Variants in PTPRT observed in about 807,000 individuals in gnomAD.
PTPRT encodes protein tyrosine phosphatase receptor type T.
PTPRT carries 56 observed loss-of-function variants against 176.8 expected under a neutral mutation model. That is an observed-to-expected ratio of 0.32 (90% CI 0.26 to 0.40). The LOEUF is 0.40. Among genes scored for constraint, PTPRT ranks in the 10% least tolerant of loss-of-function variants. The probability of loss-of-function intolerance (pLI) is 1.00; values close to 1 mark genes in which losing one functional copy is unlikely to be tolerated. For synonymous variants in PTPRT, 783 were observed against 739.0 expected (o/e 1.06, Z -0.96); for missense variants, 1,540 against 1,908.2 (o/e 0.81, Z 3.60).
At chr20:42,951,846 C>G in intron 1 of PTPRT, among the ~76,000 whole-genome samples, 1 of 152,148 alleles carries the variant, frequency 6.6e-6, no homozygotes, top group South Asian at 2.1e-4. Flanking sequence ...CCTCAATTTC[C>G]TCAGCTGTAG....
At chr20:43,040,544 T>C (rs1181091005) in intron 1 of PTPRT, among the ~76,000 whole-genome samples, 1 of 152,216 alleles carries the variant, frequency 6.6e-6, no homozygotes, top group Non-Finnish European at 1.5e-5. Flanking sequence ...TACCTGCACA[T>C]ACCCGCACCC....
At position 42,490,981 on chromosome 20, in the gene PTPRT, T is replaced by C. The variant is rs182159947; in HGVS notation, c.1154-18419A>G. ...CAAGTTTGGGGTAATTATAAGTAAA[T>C]CTGCTATGGACATTCATGTATCAAA... On this transcript the variant is annotated intron_variant, in intron 7 of 30. Transcript: ENST00000373187. Among the ~76,000 whole-genome samples, 224 of 152,302 alleles carry C rather than the reference T, an allele frequency of 1.5e-3. 4 individuals are homozygous for C. The highest frequency in any genetic ancestry group is 0.012 in the Admixed American group (186 of 15,294).
At chr20:42,538,298 T>C (rs2072512664) in intron 7 of PTPRT, among the ~76,000 whole-genome samples, 1 of 152,138 alleles carries the variant, frequency 6.6e-6, no homozygotes, top group Non-Finnish European at 1.5e-5. Flanking sequence ...CAAGGTTCCT[T>C]TTCCAAGTCT....
intron 5 of PTPRT, among the ~76,000 whole-genome samples, chr20:42,770,726 G>A (rs561670516): frequency 2.6e-5 from 4 of 152,274 alleles, no homozygotes; most frequent in South Asian, 2.1e-4. Context: ...AAGATTACAT[G>A]ACAACCACGT....
intron 9 of PTPRT, among the ~76,000 whole-genome samples, chr20:42,399,983 G>C (rs2058889686): frequency 6.6e-6 from 1 of 152,150 alleles, no homozygotes; most frequent in Admixed American, 6.5e-5. Flanking sequence ...GTTAACAGTT[G>C]AGTCCAGATG....
intron 9 of PTPRT, among the ~76,000 whole-genome samples, chr20:42,438,012 G>GT (rs1466180323): frequency 6.6e-6 from 1 of 152,174 alleles, no homozygotes; most frequent in African/African-American, 2.4e-5. Context: ...CACAACTTAA[G>GT]TGCTGCCTCT....
chr20:42,448,465 TTC>T, intron 8 of PTPRT, 136 bp from the exon 9 acceptor site: 2 of 660,448 alleles, frequency 3.0e-6, no homozygotes, highest in Non-Finnish European at 5.4e-6. Flanking sequence ...GGGCTGTACG[TTC>T]TCTGTTACAA....
intron 15 of PTPRT, among the ~76,000 whole-genome samples, chr20:42,230,266 C>G (rs1440247053): frequency 6.6e-6 from 1 of 152,182 alleles, no homozygotes; most frequent in African/African-American, 2.4e-5. Flanking sequence ...TTTTCTGCCT[C>G]GGAGACATCT....
intron 1 of PTPRT, among the ~76,000 whole-genome samples, chr20:42,986,800 C>T (rs1432591045): frequency 6.6e-6 from 1 of 152,204 alleles, no homozygotes; most frequent in African/African-American, 2.4e-5. Flanking sequence ...GCAGCCTCCA[C>T]ACCCGACTGT....
At chr20:42,792,204 A>T (rs117673745) in intron 2 of PTPRT, among the ~76,000 whole-genome samples, 1 of 152,336 alleles carries the variant, frequency 6.6e-6, no homozygotes, top group East Asian at 1.9e-4. Flanking sequence ...AATCACAGCC[A>T]CATGGCCCAA....
chr20:42,031,947 G>A, the PTPRT span, among the ~76,000 whole-genome samples: 1 of 152,166 alleles, frequency 6.6e-6, no homozygotes, highest in Non-Finnish European at 1.5e-5. Flanking sequence ...AACACTGTGA[G>A]ATGTGTACAC....
At chr20:42,071,991 G>A (rs754323273), downstream of PTPRT, among the ~76,000 whole-genome samples, 3 of 152,074 alleles carry the variant, frequency 2.0e-5, no homozygotes, top group Admixed American at 6.6e-5. Context: ...TGAGAGGAGG[G>A]GTCTATGTCA....
At chr20:42,712,948 G>A (rs2076167128) in intron 6 of PTPRT, among the ~76,000 whole-genome samples, 1 of 152,284 alleles carries the variant, frequency 6.6e-6, no homozygotes, top group African/African-American at 2.4e-5. Context: ...CCAGAGCTAT[G>A]AGAAAGGAGG....
chr20:42,139,365 G>T (rs1988519443), intron 18 of PTPRT, among the ~76,000 whole-genome samples: 3 of 152,176 alleles, frequency 2.0e-5, no homozygotes, highest in African/African-American at 7.2e-5. Flanking sequence ...GTAGATCTAA[G>T]ACAGAGATTT....
chr20:42,099,401 A>C (rs1985642827), intron 26 of PTPRT, among the ~76,000 whole-genome samples: 1 of 152,174 alleles, frequency 6.6e-6, no homozygotes, highest in South Asian at 2.1e-4. Flanking sequence ...CTGGCAGGGC[A>C]GAAACACCCC....
chr20:42,082,156 A>G, intron 29 of PTPRT, 139 bp from the exon 30 acceptor site: 1 of 1,264,960 alleles, frequency 7.9e-7, no homozygotes, highest in Middle Eastern at 2.8e-4. Context: ...CTTTAGCCTG[A>G]GCCATGAGTT....
At chr20:42,344,198 C>T (rs1317725139) in intron 11 of PTPRT, among the ~76,000 whole-genome samples, 2 of 152,196 alleles carry the variant, frequency 1.3e-5, no homozygotes, top group Admixed American at 6.5e-5. Context: ...TCAGGCCCAG[C>T]CCCCAAAGAG....
intron 27 of PTPRT, among the ~76,000 whole-genome samples, chr20:42,095,628 T>C (rs1985129424): frequency 6.6e-6 from 1 of 152,268 alleles, no homozygotes; most frequent in Non-Finnish European, 1.5e-5. Context: ...CCCTGCCTTC[T>C]TGTTTGCCTT....
At chr20:42,290,620 A>G (rs1188931586) in intron 12 of PTPRT, among the ~76,000 whole-genome samples, 1 of 151,910 alleles carries the variant, frequency 6.6e-6, no homozygotes, top group African/African-American at 2.4e-5. Context: ...ACTACTTCCT[A>G]ATACCTCATT....
Sources: gnomAD v4.1 joint callset for allele counts (sites outside exome capture counted in the v4.1 genomes callset) on GRCh38, gnomAD v4.1.1 for gene constraint, MANE v1.5 for transcripts, NCBI Gene and HGNC (gene_info 2026-07-23, HGNC 2026-07-21) for gene names.